Variants in UNC5C observed in about 807,000 individuals in gnomAD.
UNC5C encodes the protein unc-5 netrin receptor C.
In UNC5C, 47 loss-of-function variants were observed where a neutral mutation model predicts 99.8. The observed-to-expected ratio is 0.47, with a 90% CI of 0.37 to 0.60. UNC5C has a LOEUF of 0.60. Ranked by LOEUF, UNC5C falls within the 20% of genes least tolerant of loss-of-function variation. The pLI, the probability that UNC5C is intolerant of heterozygous loss-of-function variation, is 0.00. For missense variants in UNC5C, 1,062 were observed against 1,165.9 expected, an observed-to-expected ratio of 0.91 and a Z score of 1.30; for synonymous variants, 487 against 452.2, an observed-to-expected ratio of 1.08 and a Z score of -0.98.
intron 14 of UNC5C, among the ~76,000 whole-genome samples, chr4:95,177,518 T>C (rs908151208): frequency 6.6e-6 from 1 of 152,168 alleles, no homozygotes. Flanking sequence ...TGATTAGCAG[T>C]ATGTTCCACA....
intron 1 of UNC5C, among the ~76,000 whole-genome samples, chr4:95,490,486 T>A (rs1721453334): frequency 1.3e-5 from 2 of 151,738 alleles, no homozygotes; most frequent in East Asian, 3.9e-4. Flanking sequence ...TCTCAGATTC[T>A]GCATGTATAT....
intron 1 of UNC5C, among the ~76,000 whole-genome samples, chr4:95,442,523 A>G (rs265022): frequency 0.93 from 141,398 of 151,606 alleles, 66,151 homozygotes; most frequent in East Asian, 1. Context: ...TTAGAGATGG[A>G]GTCGTGCTAT....
chr4:95,217,769 A>C (rs1279341869), intron 9 of UNC5C, among the ~76,000 whole-genome samples: 1 of 152,212 alleles, frequency 6.6e-6, no homozygotes, highest in Non-Finnish European at 1.5e-5. Context: ...GTAATGTTTA[A>C]ACAATGGAAG....
intron 1 of UNC5C, among the ~76,000 whole-genome samples, chr4:95,341,853 A>G (rs1743592582): frequency 6.6e-6 from 1 of 152,038 alleles, no homozygotes; most frequent in African/African-American, 2.4e-5. Flanking sequence ...TCCTTGGGGG[A>G]GGAAGAGGGC....
At chr4:95,542,149 G>C (rs1578218129) in intron 1 of UNC5C, among the ~76,000 whole-genome samples, 1 of 152,088 alleles carries the variant, frequency 6.6e-6, no homozygotes, top group Non-Finnish European at 1.5e-5. Flanking sequence ...TGTTAAATCT[G>C]AGTAATCAAT....
At chr4:95,262,213 A>T (rs1740265189) in intron 4 of UNC5C, among the ~76,000 whole-genome samples, 1 of 152,158 alleles carries the variant, frequency 6.6e-6, no homozygotes, top group African/African-American at 2.4e-5. Flanking sequence ...TTTGCAAATC[A>T]GGTGGTTTAA....
intron 4 of UNC5C, among the ~76,000 whole-genome samples, chr4:95,275,850 CT>C (rs1285477329): frequency 1.2e-4 from 19 of 152,170 alleles, no homozygotes; most frequent in Non-Finnish European, 2.6e-4. Flanking sequence ...TTGCCTGACT[CT>C]TTCTTGGAAT....
chr4:95,291,751 TATTA>T (rs1172027167), intron 3 of UNC5C, among the ~76,000 whole-genome samples: 31 of 152,116 alleles, frequency 2.0e-4, no homozygotes, highest in African/African-American at 7.2e-5. Context: ...AAAACAAGAG[TATTA>T]ATTAATTTAT....
In UNC5C at chr4:95,412,753, T is replaced by C. The variant is rs2149452569; in HGVS notation, c.125-77122A>G. ...TTCTTGTGAGAGTTAACACAATGAG[T>C]CACCAACTGACCCTGAAGTAGTTTT... On this transcript the variant is annotated intron_variant, in intron 1 of 15. Coordinates refer to ENST00000453304, the MANE Select transcript of UNC5C (RefSeq NM_003728.4). Among the ~76,000 whole-genome samples, 3 of 152,236 alleles carry C rather than the reference T, an allele frequency of 2.0e-5. No individual in the cohort carries two copies. The Middle Eastern group carries it at 0.01, about 518-fold the overall frequency.
intron 1 of UNC5C, among the ~76,000 whole-genome samples, chr4:95,352,427 C>T (rs902188833): frequency 6.6e-6 from 1 of 152,140 alleles, no homozygotes; most frequent in African/African-American, 2.4e-5. Flanking sequence ...TATCTCAAGT[C>T]TATTTCTCCC....
chr4:95,170,800 C>G (rs575982822), intron 14 of UNC5C, among the ~76,000 whole-genome samples: 5 of 152,338 alleles, frequency 3.3e-5, no homozygotes, highest in South Asian at 4.1e-4. Context: ...GGCAAATGCT[C>G]CAGTAGTTCT....
chr4:95,168,274 G>GGAA lies in UNC5C; in HGVS notation c.*957_*959dup, dbSNP rs1201521691. 7 of 152,176 alleles carry GGAA rather than the reference G, an allele frequency of 4.6e-5. No individual in the cohort carries two copies. Among genetic ancestry groups the GGAA allele is most frequent in the African/African-American group, 1.7e-4 (7 of 41,436 alleles). 9.4% of individuals were successfully genotyped at this position (152,176 alleles called of 1,614,324 possible). A position where few individuals can be genotyped will look rare whatever the true frequency, so the allele number is the denominator to read the frequency against. ...GAATAAGGGAAAGGTAAAAGGTCAA[G>GGAA]GAAGTGATGCATGTTGAATTAAACT... On this transcript the variant is annotated 3_prime_UTR_variant, in exon 16 of 16. Transcript: ENST00000453304.
intron 2 of UNC5C, among the ~76,000 whole-genome samples, chr4:95,333,566 T>A (rs1406388414): frequency 1.8e-5 from 2 of 113,590 alleles, no homozygotes; most frequent in African/African-American, 6.8e-5. Context: ...CTCTGCGGAC[T>A]ATTGTGGGGT....
chr4:95,406,200 G>A (rs1340371997), intron 1 of UNC5C, among the ~76,000 whole-genome samples: 1 of 152,136 alleles, frequency 6.6e-6, no homozygotes, highest in East Asian at 1.9e-4. Flanking sequence ...TCAATACCAT[G>A]ACTTCTCACT....
intron 4 of UNC5C, among the ~76,000 whole-genome samples, chr4:95,258,743 A>ACTCTTTTT: frequency 1.2e-5 from 1 of 85,868 alleles, no homozygotes; most frequent in Non-Finnish European, 2.5e-5. Context: ...CGACCATCTT[A>ACTCTTTTT]TTCTTTTTTT....
intron 1 of UNC5C, among the ~76,000 whole-genome samples, chr4:95,481,493 G>A (rs1332994421): frequency 6.6e-6 from 1 of 151,844 alleles, no homozygotes; most frequent in East Asian, 1.9e-4. Context: ...TTTCTTCACA[G>A]AATTGGAAAA....
Position 95,168,895 on chromosome 4 carries a change from G to C in UNC5C, c.*339C>G, listed in dbSNP as rs911520025. 5.0e-6 allele frequency: 1 copy of C among 201,118 alleles called. No individual in the cohort carries two copies. The highest frequency in any genetic ancestry group is 1.0e-5 in the Non-Finnish European group (1 of 98,364). The allele number at this position is 201,118 out of a possible 1,614,324, so 12.5% of individuals were successfully genotyped here. The stretch of plus-strand genomic sequence containing the variant: ...CATTTGTAGAAATTGGGTTTGTTAA[G>C]AAAGTTTATCCATATATCTGGATAG... On this transcript the variant is annotated 3_prime_UTR_variant, in exon 16 of 16. Coordinates refer to ENST00000453304, the MANE Select transcript of UNC5C (RefSeq NM_003728.4).
chr4:95,275,288 T>C (rs1740820481), intron 4 of UNC5C, among the ~76,000 whole-genome samples: 1 of 152,154 alleles, frequency 6.6e-6, no homozygotes, highest in Admixed American at 6.5e-5. Flanking sequence ...AGGTACTCAG[T>C]AAGAATTTTG....
chr4:95,390,412 A>G (rs1295769784), intron 1 of UNC5C, among the ~76,000 whole-genome samples: 1 of 151,826 alleles, frequency 6.6e-6, no homozygotes, highest in African/African-American at 2.4e-5. Flanking sequence ...AGACACAACA[A>G]TACACTTCTT....
Sources: gnomAD v4.1 joint callset for allele counts (sites outside exome capture counted in the v4.1 genomes callset) on GRCh38, gnomAD v4.1.1 for gene constraint, MANE v1.5 for transcripts, NCBI Gene and HGNC (gene_info 2026-07-23, HGNC 2026-07-21) for gene names.